The following CCDC85A variants were observed in gnomAD, a reference collection of about 807,000 sequenced individuals.
The protein encoded by CCDC85A is coiled-coil domain containing 85A.
A neutral mutation model predicts 50.2 loss-of-function variants in CCDC85A; 38 were observed. The ratio of observed to expected loss-of-function variants is 0.76; its 90% CI spans 0.58 to 0.99. The LOEUF (loss-of-function observed/expected upper bound fraction) is 0.99, where lower values mean the gene tolerates loss of function less well. Ranked by LOEUF, CCDC85A falls within the 50% of genes least tolerant of loss-of-function variation. The pLI is 0.00. For missense variants in CCDC85A, 820 were observed against 742.0 expected, an observed-to-expected ratio of 1.11 and a Z score of -1.22; for synonymous variants, 366 against 301.4, an observed-to-expected ratio of 1.21 and a Z score of -2.22.
intron 2 of CCDC85A, among the ~76,000 whole-genome samples, chr2:56,204,364 T>C (rs1157682373): frequency 6.6e-6 from 1 of 152,194 alleles, no homozygotes; most frequent in Non-Finnish European, 1.5e-5. Flanking sequence ...ACAAAGTTCA[T>C]TTATAGTGCT....
chr2:56,321,970 G>C (rs529773027), intron 2 of CCDC85A, among the ~76,000 whole-genome samples: 2 of 152,236 alleles, frequency 1.3e-5, no homozygotes, highest in South Asian at 2.1e-4. Flanking sequence ...ACAGAATAGA[G>C]CCCTCAGAAA....
chr2:56,193,504 G>A (rs556733632), intron 2 of CCDC85A, 64 bp downstream of exon 2: 3 of 1,483,678 alleles, frequency 2.0e-6, no homozygotes, highest in Admixed American at 4.6e-5. Flanking sequence ...TACGAATGAT[G>A]ATGGACTTTC....
intron 2 of CCDC85A, among the ~76,000 whole-genome samples, chr2:56,215,766 G>A (rs1174855763): frequency 6.6e-6 from 1 of 151,724 alleles, no homozygotes; most frequent in Non-Finnish European, 1.5e-5. Context: ...GTATATTTTT[G>A]TATTGCTTTA....
At chr2:56,273,543 A>C (rs1035481238) in intron 2 of CCDC85A, among the ~76,000 whole-genome samples, 2 of 152,116 alleles carry the variant, frequency 1.3e-5, no homozygotes, top group Non-Finnish European at 2.9e-5. Context: ...AAAATGATCA[A>C]TCAAGTATGA....
In CCDC85A at chr2:56,305,856, A is replaced by C. The variant is rs553172290; in HGVS notation, c.1241-37023A>C. On this transcript the variant is annotated intron_variant, in intron 2 of 5. Transcript: ENST00000407595. ...TGTAATCAGCATTGCTGATTTAATA[A>C]TCAAGTTCTCCTGCTTCCCAGATAA... is the stretch of plus-strand genomic sequence containing the variant. Among the ~76,000 whole-genome samples the C allele has an allele frequency of 1.8e-4, 27 of 152,334 alleles. 1 individual carries two copies. The South Asian group carries it at 5.6e-3, about 32-fold the overall frequency.
chr2:56,338,861 A>G (rs1202571349), intron 2 of CCDC85A, among the ~76,000 whole-genome samples: 1 of 151,662 alleles, frequency 6.6e-6, no homozygotes, highest in African/African-American at 2.4e-5. Context: ...TTTCTACTCC[A>G]CTCCCATTAA....
chr2:56,372,506 A>G (rs1281313054), intron 4 of CCDC85A, 28 bp downstream of exon 4: 1 of 1,562,482 alleles, frequency 6.4e-7, no homozygotes. Flanking sequence ...AGCTGGATGC[A>G]TTTGCTTGTG....
intron 2 of CCDC85A, among the ~76,000 whole-genome samples, chr2:56,278,606 C>G (rs912298023): frequency 1.8e-4 from 28 of 152,156 alleles, no homozygotes; most frequent in African/African-American, 6.3e-4. Context: ...TGGAGTCTCT[C>G]TCTGTTGCCC....
At chr2:56,318,202 A>C (rs943692945) in intron 2 of CCDC85A, among the ~76,000 whole-genome samples, 1 of 152,048 alleles carries the variant, frequency 6.6e-6, no homozygotes, top group Admixed American at 6.6e-5. Flanking sequence ...TGTGTTCTCT[A>C]TTTAAAAAAT....
At chr2:56,314,774 G>A (rs938004346) in intron 2 of CCDC85A, among the ~76,000 whole-genome samples, 10 of 152,104 alleles carry the variant, frequency 6.6e-5, no homozygotes, top group Admixed American at 5.9e-4. Context: ...GGCCACAGAA[G>A]GTTCCTTCCC....
At chr2:56,249,341 A>G (rs1196892162) in intron 2 of CCDC85A, among the ~76,000 whole-genome samples, 1 of 152,210 alleles carries the variant, frequency 6.6e-6, no homozygotes, top group African/African-American at 2.4e-5. Flanking sequence ...CTTTGCTCCC[A>G]TCCCTTGCCA....
intron 3 of CCDC85A, among the ~76,000 whole-genome samples, chr2:56,362,810 G>C (rs1316286716): frequency 6.6e-6 from 1 of 151,960 alleles, no homozygotes; most frequent in African/African-American, 2.4e-5. Context: ...TTTTAGTGGA[G>C]ACTGGGTTTT....
chr2:56,330,796 T>C (rs1673750675), intron 2 of CCDC85A, among the ~76,000 whole-genome samples: 1 of 152,188 alleles, frequency 6.6e-6, no homozygotes, highest in African/African-American at 2.4e-5. Flanking sequence ...AGTACAACTT[T>C]TATGGAAAGT....
At chr2:56,258,156 A>G (rs1345311125) in intron 2 of CCDC85A, among the ~76,000 whole-genome samples, 1 of 152,152 alleles carries the variant, frequency 6.6e-6, no homozygotes, top group Non-Finnish European at 1.5e-5. Context: ...AGGGTCCCAC[A>G]GCAAACCTGC....
At position 56,314,129 on chromosome 2, in the gene CCDC85A, T is replaced by G. The variant is rs992912907; in HGVS notation, c.1241-28750T>G. On this transcript the variant is annotated intron_variant, in intron 2 of 5. Transcript: ENST00000407595. Reference sequence around the variant, plus strand: ...CCAGGGACGGGAATCAAGGGCAGTCTTGAATGAGCTCGGGCACTTAGCCAT... The same window carrying G: ...CCAGGGACGGGAATCAAGGGCAGTCGTGAATGAGCTCGGGCACTTAGCCAT... 3.4e-5 allele frequency among the ~76,000 whole-genome samples: 5 copies of G among 148,720 alleles called. No homozygotes were observed. In the Admixed American group the frequency reaches 3.4e-4, roughly 10 times the overall value.
chr2:56,277,523 A>G (rs563063011), intron 2 of CCDC85A, among the ~76,000 whole-genome samples: 7 of 152,188 alleles, frequency 4.6e-5, no homozygotes, highest in Non-Finnish European at 8.8e-5. Flanking sequence ...AAAAAACCAC[A>G]TGACTTGTTT....
chr2:56,240,055 C>G (rs1176679907), intron 2 of CCDC85A, among the ~76,000 whole-genome samples: 1 of 152,074 alleles, frequency 6.6e-6, no homozygotes, highest in Non-Finnish European at 1.5e-5. Context: ...CACCCTTTTA[C>G]AATTAAGTGG....
chr2:56,294,754 T>C (rs574388874), intron 2 of CCDC85A, among the ~76,000 whole-genome samples: 2 of 152,338 alleles, frequency 1.3e-5, no homozygotes, highest in South Asian at 2.1e-4. Flanking sequence ...GGTTGCTGGA[T>C]TGCAGAGGAG....
At chr2:56,343,005 G>C (rs1034966879) in intron 3 of CCDC85A, 50 bp downstream of exon 3, 4 of 1,265,288 alleles carry the variant, frequency 3.2e-6, no homozygotes, top group Admixed American at 2.2e-5. Flanking sequence ...TTAAGTTGTA[G>C]TATTTTATTT....
Sources: gnomAD v4.1 joint callset for allele counts (sites outside exome capture counted in the v4.1 genomes callset) on GRCh38, gnomAD v4.1.1 for gene constraint, MANE v1.5 for transcripts, NCBI Gene and HGNC (gene_info 2026-07-23, HGNC 2026-07-21) for gene names.